KCTD1: variants seen among roughly 807,000 people sequenced by gnomAD.
KCTD1 encodes BTB/POZ domain-containing protein KCTD1.
In KCTD1, 24 loss-of-function variants were observed where a neutral mutation model predicts 66.0. The observed-to-expected ratio is 0.36, with a 90% CI of 0.26 to 0.51. The LOEUF (loss-of-function observed/expected upper bound fraction) is 0.51. Ranked by LOEUF, KCTD1 falls within the 20% of genes least tolerant of loss-of-function variation. KCTD1 has a pLI of 0.95. For synonymous variants in KCTD1, 511 were observed against 517.2 expected (o/e 0.99, Z 0.16); for missense variants, 943 against 1,205.2 (o/e 0.78, Z 3.22).
intron 1 of KCTD1, among the ~76,000 whole-genome samples, chr18:26,530,843 C>T (rs1984402065): frequency 1.3e-5 from 2 of 152,182 alleles, no homozygotes; most frequent in South Asian, 4.1e-4. Context: ...CTAACCTTCA[C>T]AGCTAAGGAA....
rs1985301977 is a variant in KCTD1 at position 26,547,442 on chromosome 18, C to T, written c.1095G>A (p.Lys365=). The T allele has an allele frequency of 1.3e-6, 2 of 1,551,382 alleles. No individual in the cohort carries two copies. Among genetic ancestry groups the T allele is most frequent in the South Asian group, 1.2e-5 (1 of 84,066 alleles). Residue 365 remains lysine (K), a synonymous_variant, in exon 1 of 5, where the codon AAG becomes AAA. Transcript: ENST00000580059. The part of the protein sequence containing the change: ...HKSRSSSWSK[K]RAESSDEENL... ...TCTCCTCGTCGCTGCTCTCGGCGCG[C>T]TTCTTGCTCCACGACGACGAGCGCG... is the stretch of plus-strand genomic sequence containing the variant.
Position 26,455,685 on chromosome 18 carries a change from T to C in KCTD1, c.*58A>G. The stretch of plus-strand genomic sequence containing the variant: ...GTCCCAACTGCACATAAATGTCCCT[T>C]TTTTGTTTGAGTTATTGGTTGTGTG... On this transcript the variant is annotated 3_prime_UTR_variant, in exon 5 of 5. Coordinates refer to ENST00000580059, the MANE Select transcript of KCTD1 (RefSeq NM_001142730.3). 1 of 1,564,012 alleles carries C rather than the reference T, an allele frequency of 6.4e-7. No homozygotes were observed. Among genetic ancestry groups the C allele is most frequent in the Non-Finnish European group, 8.8e-7 (1 of 1,138,684 alleles).
intron 3 of KCTD1, among the ~76,000 whole-genome samples, chr18:26,473,476 T>C (rs556559186): frequency 6.6e-6 from 1 of 152,084 alleles, no homozygotes; most frequent in Non-Finnish European, 1.5e-5. Context: ...ACCTAGGTGA[T>C]AGGTTGATAG....
intron 2 of KCTD1, among the ~76,000 whole-genome samples, chr18:26,491,966 G>A (rs1011913086): frequency 6.6e-6 from 1 of 152,188 alleles, no homozygotes; most frequent in Non-Finnish European, 1.5e-5. Flanking sequence ...TCCCACTTGG[G>A]GTGGGCATGG....
chr18:26,480,810 A>G (rs1420070274), intron 2 of KCTD1, among the ~76,000 whole-genome samples: 5 of 152,094 alleles, frequency 3.3e-5, no homozygotes, highest in African/African-American at 1.2e-4. Context: ...TTGTTTATAG[A>G]GCAAATAATG....
chr18:26,651,110 GTTT>G (rs374076190), intron 1 of KCTD1, among the ~76,000 whole-genome samples: 1 of 151,976 alleles, frequency 6.6e-6, no homozygotes, highest in Non-Finnish European at 1.5e-5. Context: ...CACTGTTTTT[GTTT>G]TTTTTCTTTC....
At chr18:26,469,442 A>G (rs1163791980) in intron 3 of KCTD1, among the ~76,000 whole-genome samples, 1 of 152,166 alleles carries the variant, frequency 6.6e-6, no homozygotes, top group Non-Finnish European at 1.5e-5. Context: ...AATGCCTGCT[A>G]TGTAGGTTTA....
intron 1 of KCTD1, among the ~76,000 whole-genome samples, chr18:26,576,455 T>C (rs1986227642): frequency 1.3e-5 from 2 of 152,260 alleles, no homozygotes; most frequent in African/African-American, 4.8e-5. Context: ...TACATTTGAA[T>C]GTACTGTTGC....
At chr18:26,630,776 C>T (rs569274257), upstream of KCTD1, among the ~76,000 whole-genome samples, 10 of 152,300 alleles carry the variant, frequency 6.6e-5, no homozygotes, top group South Asian at 1.9e-3. Flanking sequence ...TTTCATGGAA[C>T]GCCATTGTTA....
chr18:26,657,160 C>G (rs1988173357), intron 1 of KCTD1, among the ~76,000 whole-genome samples: 1 of 151,662 alleles, frequency 6.6e-6, no homozygotes, highest in Non-Finnish European at 1.5e-5. Flanking sequence ...CCGGGAGCGG[C>G]AGCCCCGGAG....
intron 1 of KCTD1, among the ~76,000 whole-genome samples, chr18:26,595,138 A>T (rs1214837633): frequency 1.3e-5 from 2 of 152,124 alleles, no homozygotes. Context: ...TTTAGACATT[A>T]AGTTGAAAGT....
chr18:26,616,263 C>G (rs1471593182), intron 1 of KCTD1, among the ~76,000 whole-genome samples: 2 of 150,458 alleles, frequency 1.3e-5, no homozygotes, highest in African/African-American at 4.9e-5. Flanking sequence ...ATAGATTGAT[C>G]AAATGCTTTA....
At chr18:26,626,985 C>A (rs369980357) in intron 1 of KCTD1, among the ~76,000 whole-genome samples, 9 of 152,182 alleles carry the variant, frequency 5.9e-5, no homozygotes, top group African/African-American at 2.2e-4. Context: ...GATGCTTGTT[C>A]CTCTTTCTTA....
chr18:26,627,651 G>T (rs1987532464), intron 1 of KCTD1, among the ~76,000 whole-genome samples: 3 of 152,096 alleles, frequency 2.0e-5, no homozygotes, highest in Admixed American at 6.6e-5. Context: ...TAAATTAGTT[G>T]TTTGCAGCAA....
chr18:26,461,106 G>T (rs1285133159), intron 3 of KCTD1, among the ~76,000 whole-genome samples: 1 of 152,228 alleles, frequency 6.6e-6, no homozygotes, highest in Non-Finnish European at 1.5e-5. Flanking sequence ...GTCCAGATGG[G>T]CTAGAGTATG....
intron 1 of KCTD1, among the ~76,000 whole-genome samples, chr18:26,559,704 AG>A (rs1985799949): frequency 6.6e-6 from 1 of 152,138 alleles, no homozygotes; most frequent in Non-Finnish European, 1.5e-5. Context: ...CCATGGTAGG[AG>A]GGGCTGTTAA....
At chr18:26,650,270 A>C (rs1480764540) in intron 1 of KCTD1, among the ~76,000 whole-genome samples, 2 of 152,202 alleles carry the variant, frequency 1.3e-5, no homozygotes, top group African/African-American at 2.4e-5. Context: ...ACTTACAGGG[A>C]AGTGAAATCA....
intron 1 of KCTD1, chr18:26,544,237 C>T (rs1237433885): frequency 6.6e-6 from 1 of 152,160 alleles, no homozygotes; most frequent in Admixed American, 6.5e-5. Flanking sequence ...TCACTCCCCC[C>T]AAAAGCCAGA....
intron 1 of KCTD1, among the ~76,000 whole-genome samples, chr18:26,502,403 T>C (rs550931703): frequency 1.5e-3 from 233 of 152,296 alleles, no homozygotes; most frequent in African/African-American, 5.4e-3. Flanking sequence ...ATGTTGCCCA[T>C]GCTGATCTTG....
Sources: allele counts gnomAD v4.1 joint callset (sites outside exome capture counted in the v4.1 genomes callset), GRCh38; gene constraint gnomAD v4.1.1; transcripts MANE v1.5; gene names NCBI Gene and HGNC (gene_info 2026-07-23, HGNC 2026-07-21).